EIF4G3: variants seen among roughly 807,000 people sequenced by gnomAD.
The protein encoded by EIF4G3 is eIF-4-gamma 3.
A neutral mutation model predicts 186.4 loss-of-function variants in EIF4G3; 34 were observed. The ratio of observed to expected loss-of-function variants is 0.18; its 90% confidence interval spans 0.14 to 0.24. The LOEUF is 0.24. Among genes scored for constraint, EIF4G3 ranks in the 10% least tolerant of loss-of-function variants. EIF4G3 has a pLI of 1.00. For missense variants in EIF4G3, 1,536 were observed against 1,948.5 expected (o/e 0.79, Z 3.99); for synonymous variants, 673 against 679.5 (o/e 0.99, Z 0.15).
chr1:20,932,127 C>T (rs183002585), intron 14 of EIF4G3, among the ~76,000 whole-genome samples: 5 of 152,238 alleles, frequency 3.3e-5, no homozygotes, highest in African/African-American at 4.8e-5. Context: ...TGCACTTTTA[C>T]GTTATGATGA....
chr1:20,943,292 G>C (rs2095793987), intron 13 of EIF4G3, among the ~76,000 whole-genome samples: 1 of 152,156 alleles, frequency 6.6e-6, no homozygotes, highest in Admixed American at 6.6e-5. Flanking sequence ...GAAAATACTA[G>C]TGTTTCATAG....
chr1:20,885,987 G>T (rs1289534051), intron 19 of EIF4G3, among the ~76,000 whole-genome samples: 2 of 152,110 alleles, frequency 1.3e-5, no homozygotes, highest in Non-Finnish European at 2.9e-5. Context: ...CTCTAGACCT[G>T]GTAACTATTC....
intron 20 of EIF4G3, 100 bp downstream of exon 20, chr1:20,879,223 C>T: frequency 1.2e-6 from 1 of 817,252 alleles, no homozygotes; most frequent in South Asian, 3.1e-5. Context: ...ATATATTCTC[C>T]CCTTTATGTT....
At chr1:21,165,023 C>T (rs1364542849) in intron 2 of EIF4G3, among the ~76,000 whole-genome samples, 4 of 152,118 alleles carry the variant, frequency 2.6e-5, no homozygotes, top group Non-Finnish European at 4.4e-5. Flanking sequence ...GATAATTCTC[C>T]GTAACTGACA....
At chr1:20,945,243 A>G (rs1184181618) in intron 13 of EIF4G3, among the ~76,000 whole-genome samples, 2 of 152,154 alleles carry the variant, frequency 1.3e-5, no homozygotes, top group East Asian at 3.8e-4. Context: ...AATTTTTCTA[A>G]TAATCATGAA....
Position 20,810,537 on chromosome 1 carries a change from C to T in EIF4G3, c.4744+201G>A, listed in dbSNP as rs778889503. Among the ~76,000 whole-genome samples, 14 of 152,188 alleles carry T rather than the reference C, an allele frequency of 9.2e-5. No individual in the cohort carries two copies. The highest frequency in any genetic ancestry group is 1.5e-4 in the Non-Finnish European group (10 of 68,020). ...TCTTGACCTCAAGTGATCTGCCTGC[C>T]GTGGCCTCCCAAAGTGCTGGGATTA... is the stretch of plus-strand genomic sequence containing the variant. On this transcript the variant is annotated intron_variant, in intron 36 of 36. Transcript: ENST00000602326. This position sits in a 1 kb window ranked among gnomAD's most constrained non-coding sequence, Gnocchi z 4.1.
At chr1:20,954,898 A>G (rs147206022) in intron 12 of EIF4G3, among the ~76,000 whole-genome samples, 1 of 152,348 alleles carries the variant, frequency 6.6e-6, no homozygotes, top group East Asian at 1.9e-4. Context: ...TATGTGAGGA[A>G]GATATTCTGA....
At chr1:21,066,070 G>C (rs1244433213) in intron 3 of EIF4G3, among the ~76,000 whole-genome samples, 1 of 151,982 alleles carries the variant, frequency 6.6e-6, no homozygotes, top group Non-Finnish European at 1.5e-5. Flanking sequence ...AAGTGGGAGA[G>C]GGCCAACTGA....
At chr1:21,093,405 T>C (rs1159069731) in intron 2 of EIF4G3, among the ~76,000 whole-genome samples, 1 of 152,144 alleles carries the variant, frequency 6.6e-6, no homozygotes, top group Non-Finnish European at 1.5e-5. Flanking sequence ...AATGAGATAT[T>C]ATCTCACACC....
intron 13 of EIF4G3, among the ~76,000 whole-genome samples, chr1:20,946,115 A>G (rs533452512): frequency 6.6e-6 from 1 of 152,310 alleles, no homozygotes; most frequent in South Asian, 2.1e-4. Flanking sequence ...AAGCAGAGAG[A>G]GGAATGCTGA....
intron 4 of EIF4G3, among the ~76,000 whole-genome samples, chr1:21,003,171 CTT>C (rs376496321): frequency 2.8e-5 from 3 of 106,008 alleles, no homozygotes; most frequent in Admixed American, 9.6e-5. Context: ...TAATTTTTTT[CTT>C]TTTTTTTTTT....
At chr1:21,129,035 C>T (rs2097101694) in intron 2 of EIF4G3, among the ~76,000 whole-genome samples, 1 of 152,116 alleles carries the variant, frequency 6.6e-6, no homozygotes, top group South Asian at 2.1e-4. Flanking sequence ...AAAAATCTGG[C>T]CGGGCGGGGT....
At chr1:21,013,403 C>T (rs1324042439) in intron 4 of EIF4G3, among the ~76,000 whole-genome samples, 4 of 152,186 alleles carry the variant, frequency 2.6e-5, no homozygotes, top group African/African-American at 7.2e-5. Context: ...AATCCCTCCT[C>T]ATTGAGGCCA....
At chr1:21,023,404 G>C (rs181836339) in intron 4 of EIF4G3, among the ~76,000 whole-genome samples, 2 of 147,196 alleles carry the variant, frequency 1.4e-5, no homozygotes, top group Non-Finnish European at 1.5e-5. Flanking sequence ...GAGTGCCTGC[G>C]ATTGCAGGCA....
rs1196185328 is a variant in EIF4G3, at chr1:20,817,692, T to TG, written c.4369-155_4369-154insC. ...ATTTTATGTTTGTAGTTTTTTTTTT[T>TG]TTTTTTTTTTTGAGACAGGGTCTTG... On this transcript the variant is annotated intron_variant, in intron 33 of 36. Coordinates refer to ENST00000602326, the MANE Select transcript of EIF4G3 (RefSeq NM_001391906.1). Among the ~76,000 whole-genome samples the TG allele has an allele frequency of 2.7e-5, 4 of 148,820 alleles. No individual in the cohort carries two copies. The East Asian group carries it at 5.8e-4, about 22-fold the overall frequency.
At chr1:21,011,091 T>C (rs2154569879) in intron 4 of EIF4G3, among the ~76,000 whole-genome samples, 1 of 152,110 alleles carries the variant, frequency 6.6e-6, no homozygotes, top group Admixed American at 6.5e-5. Flanking sequence ...CTTAAATATA[T>C]ACTCAGGAAA....
intron 4 of EIF4G3, among the ~76,000 whole-genome samples, chr1:21,049,840 A>C (rs1019360797): frequency 6.6e-6 from 1 of 152,124 alleles, no homozygotes. Flanking sequence ...ACAGTGAGCT[A>C]TGATCATGCC....
chr1:21,087,697 G>A lies in EIF4G3; in HGVS notation c.-196+1441C>T, dbSNP rs565187544. 6.6e-5 allele frequency among the ~76,000 whole-genome samples: 10 copies of A among 152,012 alleles called. No individual in the cohort carries two copies. In the East Asian group the frequency reaches 1.7e-3, roughly 27 times the overall value. On this transcript the variant is annotated intron_variant, in intron 3 of 36. Transcript: ENST00000602326. ...CGCCCAGGCTGGAGTGCAGTGGCAC[G>A]ATCTCAGCTCACTGCAAGCTCCGCC...
intron 2 of EIF4G3, among the ~76,000 whole-genome samples, chr1:21,116,820 CAG>C (rs1463922319): frequency 7.1e-6 from 1 of 141,788 alleles, no homozygotes; most frequent in Non-Finnish European, 1.5e-5. Context: ...GCCAGGGCGA[CAG>C]AGTGAGACTC....
Sources: gnomAD v4.1 joint callset for allele counts (sites outside exome capture counted in the v4.1 genomes callset) on GRCh38, gnomAD v4.1.1 for gene constraint, Gnocchi (gnomAD v3.1) non-coding constraint, MANE v1.5 for transcripts, NCBI Gene and HGNC (gene_info 2026-07-23, HGNC 2026-07-21) for gene names.